MYH13: variants seen among roughly 807,000 people sequenced by gnomAD.
MYH13 encodes myosin heavy chain 13.
Under a neutral mutation model 232.1 loss-of-function variants are expected in MYH13, and 177 were observed. That is an observed-to-expected ratio of 0.76 (90% CI 0.67 to 0.86). The LOEUF (loss-of-function observed/expected upper bound fraction) is 0.86. Ranked by LOEUF, MYH13 falls within the 40% of genes least tolerant of loss-of-function variation. MYH13 has a pLI of 0.00. For synonymous variants in MYH13, 884 were observed against 923.5 expected (o/e 0.96, Z 0.78); for missense variants, 2,246 against 2,405.9 (o/e 0.93, Z 1.39).
chr17:10,329,271 C>A (rs1389785807), intron 21 of MYH13, among the ~76,000 whole-genome samples: 1 of 152,210 alleles, frequency 6.6e-6, no homozygotes, highest in Non-Finnish European at 1.5e-5. Flanking sequence ...ACACTCCCCT[C>A]TCCCTCCAAT....
In MYH13 at chr17:10,322,726, C is replaced by T. The variant is rs574495769; in HGVS notation, c.2935-1018G>A. The stretch of plus-strand genomic sequence containing the variant: ...TCAGCTCACTGCAAGCTCCGCCTCC[C>T]GGGTTCACGCCATTCTCCGGCCTCA... On this transcript the variant is annotated intron_variant, in intron 23 of 40. Coordinates refer to ENST00000252172, the MANE Select transcript of MYH13 (RefSeq NM_003802.3). 1.3e-4 allele frequency among the ~76,000 whole-genome samples: 19 copies of T among 149,952 alleles called. No individual in the cohort carries two copies. The South Asian group carries it at 3.9e-3, about 31-fold the overall frequency.
intron 29 of MYH13, among the ~76,000 whole-genome samples, chr17:10,313,592 A>G (rs1214590296): frequency 6.6e-6 from 1 of 152,148 alleles, no homozygotes; most frequent in Non-Finnish European, 1.5e-5. Context: ...AAAACCATTG[A>G]CATTTGCCAT....
In MYH13 at chr17:10,306,788, T is replaced by G. The variant is rs1906301536; in HGVS notation, c.5295+151A>C. ...ACAGCCTCCCCTCCCACTTTGCCAC[T>G]GCTGAGACTGTACCTCATTACATCT... On this transcript the variant is annotated intron_variant, in intron 36 of 40. Transcript: ENST00000252172. The surrounding 1 kb of genome is among the most constrained non-coding windows in gnomAD (Gnocchi z 4.3). 1 of 1,518,676 alleles carries G rather than the reference T, an allele frequency of 6.6e-7. No individual in the cohort carries two copies. Among genetic ancestry groups the G allele is most frequent in the Non-Finnish European group, 8.8e-7 (1 of 1,133,342 alleles). 94.1% of individuals were successfully genotyped at this position (1,518,676 alleles called of 1,614,324 possible). A position where few individuals can be genotyped will look rare whatever the true frequency, so the allele number is the denominator to read the frequency against.
At chr17:10,322,924 C>T (rs766440877) in intron 23 of MYH13, among the ~76,000 whole-genome samples, 1 of 152,166 alleles carries the variant, frequency 6.6e-6, no homozygotes, top group Non-Finnish European at 1.5e-5. Flanking sequence ...TAAGCCACCG[C>T]ACCTGGCCCT....
intron 39 of MYH13, among the ~76,000 whole-genome samples, chr17:10,302,986 G>A (rs556813032): frequency 1.2e-3 from 179 of 152,184 alleles, no homozygotes; most frequent in Non-Finnish European, 1.9e-3. Context: ...GCCAAGTAGG[G>A]TGAGGCAAGA....
chr17:10,364,620 T>G (rs2071819420), intron 2 of MYH13, 78 bp from the exon 3 acceptor site: 2 of 1,270,216 alleles, frequency 1.6e-6, no homozygotes, highest in East Asian at 5.1e-5. Context: ...CTTATTCTAT[T>G]AAAACGGGGC....
chr17:10,315,911 G>T lies in MYH13; in HGVS notation c.3853C>A (p.Gln1285Lys). ...HDLNMQKARL[Q>K]TQNGELSHRV... is the part of the protein sequence containing the mutation. ...TGCCCATTCTCACCATTTTGGGTCT[G>T]CAGTCTTGCTTTCTGCATGTTCAGA... The change falls in exon 28 of 41, where the codon CAG becomes AAG. Residue 1285 changes from glutamine to lysine, a missense_variant. Gln to Lys is a moderately conservative substitution (Grantham distance 53, BLOSUM62 1). Transcript: ENST00000252172. 1 of 1,613,978 alleles carries T rather than the reference G, an allele frequency of 6.2e-7. No individual in the cohort carries two copies. Among genetic ancestry groups the T allele is most frequent in the Non-Finnish European group, 8.5e-7 (1 of 1,179,898 alleles).
chr17:10,367,880 A>G (rs1490381270), intron 2 of MYH13, among the ~76,000 whole-genome samples: 4 of 152,192 alleles, frequency 2.6e-5, no homozygotes, highest in Non-Finnish European at 4.4e-5. Flanking sequence ...ACCTTTTCAA[A>G]TAATTGTGAA....
chr17:10,348,224 C>T (rs1214280977), intron 12 of MYH13, among the ~76,000 whole-genome samples: 1 of 152,206 alleles, frequency 6.6e-6, no homozygotes, highest in Non-Finnish European at 1.5e-5. Flanking sequence ...AGGGGTGATA[C>T]ATCCTTCTCT....
At chr17:10,365,118 G>T (rs991134477) in intron 2 of MYH13, among the ~76,000 whole-genome samples, 2 of 152,056 alleles carry the variant, frequency 1.3e-5, no homozygotes, top group Non-Finnish European at 2.9e-5. Flanking sequence ...CAGGTAATCT[G>T]CCCGCCTTGA....
At chr17:10,322,109 C>T (rs536556388) in intron 23 of MYH13, among the ~76,000 whole-genome samples, 1 of 152,158 alleles carries the variant, frequency 6.6e-6, no homozygotes. Context: ...CAAGAAAATT[C>T]ACGCCGGGCG....
intron 23 of MYH13, among the ~76,000 whole-genome samples, chr17:10,323,813 A>G (rs1306647382): frequency 6.6e-6 from 1 of 150,468 alleles, no homozygotes; most frequent in Non-Finnish European, 1.5e-5. Flanking sequence ...AAGAAGAAGA[A>G]GAAGAAGAAG....
chr17:10,324,175 C>T lies in MYH13; in HGVS notation c.2781G>A (p.Thr927=), dbSNP rs760371555. The part of the protein sequence containing the change: ...ILLEAKVKEL[T]ERLEEEEEMN... ...TCTCCTCTTCCTCTTCCAATCTCTC[C>T]GTCAGCTCCTTGACTTTTGCTTCCA... Residue 927 remains threonine (T), a synonymous_variant, in exon 23 of 41, where the codon ACG becomes ACA. Coordinates refer to ENST00000252172, the MANE Select transcript of MYH13 (RefSeq NM_003802.3). The T allele has an allele frequency of 1.1e-5, 18 of 1,613,824 alleles. No individual in the cohort carries two copies. Among genetic ancestry groups the T allele is most frequent in the South Asian group, 5.5e-5 (5 of 91,076 alleles).
At position 10,363,315 on chromosome 17, in the gene MYH13, C is replaced by CAAAAAAAA. The variant is rs11390504; in HGVS notation, c.205-820_205-813dup. ...TGGGCGACACAGTGAGACTCCGTCT[C>CAAAAAAAA]AAAAAAAAAAAAAAAAAAAAATAGG... On this transcript the variant is annotated intron_variant, in intron 3 of 40. Transcript: ENST00000252172. Among the ~76,000 whole-genome samples, 43 of 91,764 alleles carry CAAAAAAAA rather than the reference C, an allele frequency of 4.7e-4. 1 individual carries two copies. Among genetic ancestry groups the CAAAAAAAA allele is most frequent in the African/African-American group, 2.0e-3 (42 of 21,286 alleles). The allele number at this position is 91,764 out of a possible 152,430, so 60.2% of individuals were successfully genotyped here.
intron 22 of MYH13, among the ~76,000 whole-genome samples, chr17:10,326,488 T>C (rs1362084141): frequency 6.6e-6 from 1 of 152,174 alleles, no homozygotes; most frequent in Admixed American, 6.5e-5. Context: ...TTCTTTTTTT[T>C]TGAGACGGAG....
At chr17:10,370,323 A>C (rs2071868572) in intron 2 of MYH13, among the ~76,000 whole-genome samples, 1 of 152,172 alleles carries the variant, frequency 6.6e-6, no homozygotes, top group Admixed American at 6.5e-5. Flanking sequence ...CCAGGGGAAG[A>C]CCATTCATTT....
chr17:10,332,706 C>T (rs957264544), intron 19 of MYH13, among the ~76,000 whole-genome samples: 1 of 152,128 alleles, frequency 6.6e-6, no homozygotes, highest in African/African-American at 2.4e-5. Context: ...TGTCACAGCT[C>T]AGTGGGGAGG....
At chr17:10,345,734 C>T (rs1220717540) in intron 13 of MYH13, 118 bp from the exon 14 acceptor site, 5 of 1,549,982 alleles carry the variant, frequency 3.2e-6, no homozygotes, top group Middle Eastern at 3.4e-4. Context: ...GTGGCTCACA[C>T]CTGTAATCCC....
At chr17:10,338,793 C>T (rs542327236) in intron 18 of MYH13, among the ~76,000 whole-genome samples, 45 of 151,500 alleles carry the variant, frequency 3.0e-4, no homozygotes, top group African/African-American at 1.0e-3. Flanking sequence ...CTCCGTCTCC[C>T]GGGTTCACGC....
Sources: gnomAD v4.1 joint callset for allele counts (sites outside exome capture counted in the v4.1 genomes callset) on GRCh38, gnomAD v4.1.1 for gene constraint, Gnocchi (gnomAD v3.1) non-coding constraint, MANE v1.5 for transcripts, NCBI Gene and HGNC (gene_info 2026-07-23, HGNC 2026-07-21) for gene names.